UBXN6: variants seen among roughly 807,000 people sequenced by gnomAD.
UBXN6 encodes UBX domain-containing protein 6.
UBXN6 carries 44 observed loss-of-function variants against 51.4 expected under a neutral mutation model. The observed-to-expected ratio is 0.86, with a 90% CI of 0.67 to 1.10. The LOEUF (loss-of-function observed/expected upper bound fraction) is 1.10. UBXN6 is among the 50% of genes least tolerant of loss of function. UBXN6 has a pLI of 0.00. For synonymous variants in UBXN6, 316 were observed against 263.2 expected (o/e 1.20, Z -1.94); for missense variants, 672 against 596.1 (o/e 1.13, Z -1.32).
At position 4,448,342 on chromosome 19, in the gene UBXN6, T is replaced by G; in HGVS notation, c.515A>C (p.Lys172Thr). 1 of 1,609,570 alleles carries G rather than the reference T, an allele frequency of 6.2e-7. No individual in the cohort carries two copies. Reference protein sequence around the residue: ...YTFNKDQDRVKLGVDTIAKYL... With the variant: ...YTFNKDQDRVTLGVDTIAKYL... Reference sequence around the variant, plus strand: ...CTTGGCAATGGTGTCCACACCCAGCTTCACCCGGTCCTGGTCTTTGTTGAA... The same window carrying G: ...CTTGGCAATGGTGTCCACACCCAGCGTCACCCGGTCCTGGTCTTTGTTGAA... Residue 172 changes from lysine to threonine, a missense_variant, in exon 5 of 11, where the codon AAG (lysine) becomes ACG (threonine). Physicochemically the swap from Lys to Thr is moderately conservative, Grantham distance 78. Coordinates refer to ENST00000301281, the MANE Select transcript of UBXN6 (RefSeq NM_025241.3).
In UBXN6 at chr19:4,446,597, G is replaced by A. The variant is rs534985329; in HGVS notation, c.823C>T (p.Arg275Cys). 3.2e-5 allele frequency: 52 copies of A among 1,612,620 alleles called. No homozygotes were observed. Among genetic ancestry groups the A allele is most frequent in the Admixed American group, 1.0e-4 (6 of 60,012 alleles). ...PVRAKLDRQR[R>C]VFQPSPLASQ... The stretch of plus-strand genomic sequence containing the variant: ...GCCAGGGGCGAGGGCTGGAAGACGC[G>A]GCGCTGCCTGTCCAGCTTGGCGCGC... The change falls in exon 8 of 11, where the codon CGC becomes TGC. Residue 275 changes from arginine (R) to cysteine (C), a missense_variant. Arg to Cys is a radical substitution (Grantham distance 180, BLOSUM62 -3). Transcript: ENST00000301281.
chr19:4,450,122 G>A (rs1373774141), intron 4 of UBXN6: 1 of 151,884 alleles, frequency 6.6e-6, no homozygotes. Flanking sequence ...CTACTTGGGA[G>A]GCTGAGGCAG....
intron 4 of UBXN6, 113 bp downstream of exon 4, chr19:4,452,251 C>T: frequency 1.4e-6 from 2 of 1,471,764 alleles, no homozygotes; most frequent in South Asian, 1.3e-5. Flanking sequence ...TCACTACTAG[C>T]AGTGGCCTCT....
At position 4,446,348 on chromosome 19, in the gene UBXN6, C is replaced by T. The variant is rs763463983; in HGVS notation, c.986G>A (p.Arg329Gln). 6 of 1,570,860 alleles carry T rather than the reference C, an allele frequency of 3.8e-6. No homozygotes were observed. The highest frequency in any genetic ancestry group is 1.3e-5 in the African/African-American group (1 of 74,246). ...TKAMREKEEQ[R>Q]GLRKYNYTLL... ...CGTGTAGTTGTACTTGCGCAGCCCC[C>T]GCTGCTCCTCCTTCTCCCGCATGGC... Residue 329 changes from arginine to glutamine, a missense_variant, in exon 9 of 11, where the codon CGG (arginine) becomes CAG (glutamine). By Grantham distance (43) the Arg-to-Gln change is conservative. Transcript: ENST00000301281.
Position 4,457,689 on chromosome 19 carries a change from T to C in UBXN6, c.9A>G (p.Lys3=), listed in dbSNP as rs1380607797. The change falls in exon 1 of 11, where the codon AAA becomes AAG. Residue 3 remains lysine, a synonymous_variant. Coordinates refer to ENST00000301281, the MANE Select transcript of UBXN6 (RefSeq NM_025241.3). ...TGTCGGCCTTGAACTCCTGAAAGAA[T>C]TTCTTCATGGTGGCGGCTGGCCCGG... MK[K]FFQEFKADIK... 21 of 1,587,822 alleles carry C rather than the reference T, an allele frequency of 1.3e-5. No individual in the cohort carries two copies. In the Admixed American group the frequency reaches 2.7e-4, roughly 21 times the overall value.
chr19:4,450,904 C>G (rs539173632), intron 4 of UBXN6: 8 of 152,014 alleles, frequency 5.3e-5, no homozygotes, highest in Non-Finnish European at 2.9e-5. Flanking sequence ...TAACTCTATC[C>G]TGAGATGTTA....
intron 1 of UBXN6, among the ~76,000 whole-genome samples, 168 bp from the exon 2 acceptor site, chr19:4,454,261 G>C (rs1974706311): frequency 6.6e-6 from 1 of 152,220 alleles, no homozygotes; most frequent in African/African-American, 2.4e-5. Context: ...GCAGCCACCA[G>C]ATGGTTCTAC....
At chr19:4,456,850 A>G (rs1391516904) in intron 1 of UBXN6, among the ~76,000 whole-genome samples, 1 of 151,994 alleles carries the variant, frequency 6.6e-6, no homozygotes, top group Non-Finnish European at 1.5e-5. Context: ...CCTCCCGGGT[A>G]AGAGTCCATC....
chr19:4,451,848 C>A (rs772295747), intron 4 of UBXN6, among the ~76,000 whole-genome samples: 1 of 151,540 alleles, frequency 6.6e-6, no homozygotes, highest in Admixed American at 6.6e-5. Flanking sequence ...TAATACTTAA[C>A]CTTTTATGAA....
chr19:4,448,870 G>A (rs541889645), intron 4 of UBXN6: 9 of 174,434 alleles, frequency 5.2e-5, no homozygotes, highest in Non-Finnish European at 9.9e-5. Flanking sequence ...CAAAGAGACC[G>A]AGAGGCCCAT....
rs995101302 is a variant in UBXN6 at position 4,446,168 on chromosome 19, C to T, written c.1081G>A (p.Ala361Thr). The T allele has an allele frequency of 6.2e-7, 1 of 1,609,278 alleles. No individual in the cohort carries two copies. Among genetic ancestry groups the T allele is most frequent in the Non-Finnish European group, 8.5e-7 (1 of 1,179,262 alleles). ...GCCTCCCGGACGAACCCGTACACCGCCCCCAGCCGCTCCCGAGCGTAGAAA... is the reference window on the plus strand; with the variant it reads ...GCCTCCCGGACGAACCCGTACACCGTCCCCAGCCGCTCCCGAGCGTAGAAA... ...GTFYARERLGAVYGFVREALQ... is the reference protein window; with the variant it reads ...GTFYARERLGTVYGFVREALQ... The change falls in exon 10 of 11, where the codon GCG becomes ACG. Residue 361 changes from alanine (A) to threonine (T), a missense_variant. Transcript: ENST00000301281.
chr19:4,453,954 AT>A lies in UBXN6; in HGVS notation c.222del (p.Ser75ArgfsTer9), dbSNP rs1221420982. 2 of 1,610,738 alleles carry A rather than the reference AT, an allele frequency of 1.2e-6. No homozygotes were observed. The highest frequency in any genetic ancestry group is 1.7e-6 in the Non-Finnish European group (2 of 1,179,822). Reference protein sequence around the residue: ...EQKQSRAWGPTSQDTIRNQVR... With the variant: ...EQKQSRAWGPXSQDTIRNQVR... ...CCCTGGTTTCGGATGGTGTCCTGCG[AT>A]GTGGGGCCCCAGGCCCGGGACTGCT... On this transcript the variant is annotated frameshift_variant, in exon 2 of 11. Coordinates refer to ENST00000301281, the MANE Select transcript of UBXN6 (RefSeq NM_025241.3). LOFTEE classifies it high-confidence loss of function.
rs1470115232 is a variant in UBXN6, at chr19:4,446,833, T to TA, written c.700+2dup. 1.2e-6 allele frequency: 2 copies of TA among 1,614,032 alleles called. No homozygotes were observed. The highest frequency in any genetic ancestry group is 8.5e-7 in the Non-Finnish European group (1 of 1,180,010). On this transcript the variant is annotated splice_region_variant and intron_variant, in intron 7 of 10. Transcript: ENST00000301281. Reference sequence around the variant, plus strand: ...CCTACTCAGCCAGGCCCTGTCCACTTACCCTGATCCTGGGCGGGAAGCAAC... The same window carrying TA: ...CCTACTCAGCCAGGCCCTGTCCACTTAACCCTGATCCTGGGCGGGAAGCAAC...
chr19:4,446,477 T>G, intron 8 of UBXN6, 23 bp downstream of exon 8: 1 of 1,596,608 alleles, frequency 6.3e-7, no homozygotes, highest in East Asian at 2.2e-5. Context: ...CGCCCCACTC[T>G]GCTCCGCGGA....
chr19:4,453,458 C>T lies in UBXN6; in HGVS notation c.312G>A (p.Val104=), dbSNP rs769537202. Residue 104 remains valine, a splice_region_variant and synonymous_variant, in exon 3 of 11, where the codon GTG becomes GTA. Transcript: ENST00000301281. ...SGSPEAPGTN[V]VSEPREEGSA... ...CAGTGCCACCAGTGGCTGTTCTTAC[C>T]ACGTTGGTCCCTGGGGCCTCGGGGC... 3 of 1,613,022 alleles carry T rather than the reference C, an allele frequency of 1.9e-6. No individual in the cohort carries two copies. The African/African-American group carries it at 4.0e-5, about 22-fold the overall frequency.
At position 4,457,780 on chromosome 19, in the gene UBXN6, C is replaced by A. The variant is rs1974762444; in HGVS notation, c.-83G>T. 1.7e-6 allele frequency: 1 copy of A among 581,966 alleles called. No homozygotes were observed. The highest frequency in any genetic ancestry group is 2.4e-6 in the Non-Finnish European group (1 of 409,490). 36.1% of individuals were successfully genotyped at this position (581,966 alleles called of 1,614,324 possible). On this transcript the variant is annotated 5_prime_UTR_variant, in exon 1 of 11. Coordinates refer to ENST00000301281, the MANE Select transcript of UBXN6 (RefSeq NM_025241.3). ...CGGGGACGGGGCCGCCGGAGACCAGCCACCGGAAGAAAATTAAAAAAAAAA... is the reference window on the plus strand; with the variant it reads ...CGGGGACGGGGCCGCCGGAGACCAGACACCGGAAGAAAATTAAAAAAAAAA...
chr19:4,456,989 A>G (rs1256745762), intron 1 of UBXN6, among the ~76,000 whole-genome samples: 2 of 151,736 alleles, frequency 1.3e-5, no homozygotes, highest in African/African-American at 4.8e-5. Context: ...GACTCTTTCT[A>G]GTCTCCCATC....
In UBXN6 at chr19:4,446,516, G is replaced by T. The variant is rs145303168; in HGVS notation, c.904C>A (p.Arg302=). ...CAGGCCCACCTGAGCCTCTGCTCCC[G>T]CTTGATCTCCTCTGCTGTGAGGTTG... The part of the protein sequence containing the change: ...FFNLTAEEIK[R]EQRLRSEAVE... The change falls in exon 8 of 11, where the codon CGG becomes AGG. Residue 302 remains arginine, a synonymous_variant. Transcript: ENST00000301281. 243 of 1,610,228 alleles carry T rather than the reference G, an allele frequency of 1.5e-4. 1 individual carries two copies. In the African/African-American group the frequency reaches 2.7e-3, roughly 18 times the overall value.
At chr19:4,453,656 G>T in intron 2 of UBXN6, 134 bp from the exon 3 acceptor site, 1 of 1,172,004 alleles carries the variant, frequency 8.5e-7, no homozygotes, top group Non-Finnish European at 1.2e-6. Flanking sequence ...CTGGAGGTCA[G>T]GCTGGAGGTC....
Sources: allele counts gnomAD v4.1 joint callset (sites outside exome capture counted in the v4.1 genomes callset), GRCh38; gene constraint gnomAD v4.1.1; transcripts MANE v1.5; gene names NCBI Gene and HGNC (gene_info 2026-07-23, HGNC 2026-07-21).